Variants in PDE1C observed in about 807,000 individuals in gnomAD.
The protein encoded by PDE1C is dual specificity calcium/calmodulin-dependent 3',5'-cyclic nucleotide phosphodiesterase 1C.
Under a neutral mutation model 93.1 loss-of-function variants are expected in PDE1C, and 62 were observed. The observed-to-expected ratio is 0.67, with a 90% CI of 0.54 to 0.82. The LOEUF is 0.82. Among genes scored for constraint, PDE1C ranks in the 40% least tolerant of loss-of-function variants. The pLI, the probability that PDE1C is intolerant of heterozygous loss-of-function variation, is 0.00. For missense variants in PDE1C, 742 were observed against 884.6 expected (o/e 0.84, Z 2.04); for synonymous variants, 325 against 310.1 (o/e 1.05, Z -0.50).
intron 1 of PDE1C, among the ~76,000 whole-genome samples, chr7:32,067,494 C>T (rs191353471): frequency 6.6e-6 from 1 of 152,324 alleles, no homozygotes; most frequent in East Asian, 1.9e-4. Context: ...GGGGACACCT[C>T]CCTGCAATAT....
the PDE1C span, among the ~76,000 whole-genome samples, chr7:31,627,977 G>T: frequency 1.3e-5 from 2 of 152,156 alleles, no homozygotes; most frequent in African/African-American, 4.8e-5. Context: ...AAGTGGGTGG[G>T]ATTCAAGGAA....
At chr7:31,699,363 C>T in the PDE1C span, among the ~76,000 whole-genome samples, 4 of 152,126 alleles carry the variant, frequency 2.6e-5, no homozygotes, top group Non-Finnish European at 5.9e-5. Context: ...CAAGCTAGCA[C>T]GGTCTCCCGT....
chr7:32,391,160 CAAAT>C (rs546009579), intron 1 of PDE1C, among the ~76,000 whole-genome samples: 3 of 151,884 alleles, frequency 2.0e-5, no homozygotes, highest in Non-Finnish European at 2.9e-5. Context: ...TTCAAAGAGA[CAAAT>C]AAACTAAAAA....
At chr7:32,386,853 G>A (rs913925779) in intron 1 of PDE1C, among the ~76,000 whole-genome samples, 1 of 152,160 alleles carries the variant, frequency 6.6e-6, no homozygotes, top group African/African-American at 2.4e-5. Context: ...TCTTACTGCA[G>A]TGTCTAAGAG....
chr7:32,295,753 G>A (rs1812578378), intron 1 of PDE1C, among the ~76,000 whole-genome samples: 2 of 152,182 alleles, frequency 1.3e-5, no homozygotes, highest in African/African-American at 2.4e-5. Context: ...AATTAGCAGG[G>A]CGTGTTGGCG....
intron 16 of PDE1C, among the ~76,000 whole-genome samples, chr7:31,779,154 C>A (rs1471930451): frequency 6.6e-6 from 1 of 152,188 alleles, no homozygotes; most frequent in Non-Finnish European, 1.5e-5. Flanking sequence ...CCAGGTGATT[C>A]CCATCATCAA....
intron 2 of PDE1C, among the ~76,000 whole-genome samples, chr7:32,193,447 T>C (rs906848102): frequency 1.3e-5 from 2 of 152,204 alleles, no homozygotes; most frequent in Non-Finnish European, 1.5e-5. Flanking sequence ...TGGTGGATTA[T>C]ACTGATTGAT....
chr7:31,620,315 TCCCTGAC>T, the PDE1C span, among the ~76,000 whole-genome samples: 167 of 152,030 alleles, frequency 1.1e-3, no homozygotes, highest in Middle Eastern at 0.01. Flanking sequence ...CTCAAGTGGG[TCCCTGAC>T]CCCTGACCCC....
chr7:32,415,736 T>C (rs1785263781), intron 1 of PDE1C, among the ~76,000 whole-genome samples: 1 of 152,084 alleles, frequency 6.6e-6, no homozygotes, highest in Non-Finnish European at 1.5e-5. Context: ...CTACGTCCTT[T>C]CCTTCTCCCT....
the PDE1C span, among the ~76,000 whole-genome samples, chr7:31,734,704 CTCATT>C: frequency 6.6e-6 from 1 of 152,132 alleles, no homozygotes; most frequent in Non-Finnish European, 1.5e-5. Flanking sequence ...GTTGTCCCAT[CTCATT>C]TCAAGGCTTG....
rs183406881 is a variant in PDE1C at position 32,384,975 on chromosome 7, A to C, written c.310+42847T>G. ...GTTTGGGGAATAAATTGGAAGGGAG[A>C]AGAACCAAGGAGGCGGGGATACTAG... On this transcript the variant is annotated intron_variant, in intron 1 of 1. Transcript: ENST00000672256. 1.5e-3 allele frequency among the ~76,000 whole-genome samples: 224 copies of C among 152,312 alleles called. 1 individual carries two copies. Among genetic ancestry groups the C allele is most frequent in the African/African-American group, 5.1e-3 (213 of 41,568 alleles).
At chr7:31,632,222 G>T in the PDE1C span, among the ~76,000 whole-genome samples, 1 of 152,176 alleles carries the variant, frequency 6.6e-6, no homozygotes, top group Non-Finnish European at 1.5e-5. Context: ...GCTGAGGCAG[G>T]TGGATCATGA....
chr7:31,717,096 T>C, the PDE1C span, among the ~76,000 whole-genome samples: 1 of 152,226 alleles, frequency 6.6e-6, no homozygotes, highest in African/African-American at 2.4e-5. Context: ...CTCTGTATTG[T>C]AAGTTATATG....
chr7:32,263,863 T>C (rs530258385), intron 1 of PDE1C, among the ~76,000 whole-genome samples: 1 of 152,306 alleles, frequency 6.6e-6, no homozygotes, highest in South Asian at 2.1e-4. Context: ...GCATAAACAA[T>C]GTTTCCTTCT....
At chr7:31,652,434 A>T in the PDE1C span, 1 of 1,487,246 alleles carries the variant, frequency 6.7e-7, no homozygotes, top group Non-Finnish European at 9.0e-7. Context: ...ACCACCTCAT[A>T]ATGCCTAGCT....
At chr7:31,905,732 G>T (rs1800509523) in intron 2 of PDE1C, among the ~76,000 whole-genome samples, 1 of 152,088 alleles carries the variant, frequency 6.6e-6, no homozygotes, top group South Asian at 2.1e-4. Flanking sequence ...AGCTGATAAG[G>T]TTTGGCTGTG....
chr7:32,290,833 G>A (rs2128896927), intron 1 of PDE1C, among the ~76,000 whole-genome samples: 1 of 152,262 alleles, frequency 6.6e-6, no homozygotes, highest in South Asian at 2.1e-4. Context: ...AGACACAAAA[G>A]TGAAGCACAT....
chr7:31,650,304 G>A, the PDE1C span, among the ~76,000 whole-genome samples: 1 of 152,136 alleles, frequency 6.6e-6, no homozygotes, highest in Admixed American at 6.5e-5. Context: ...GCTTTTTATT[G>A]GGGGATGGGG....
At chr7:32,215,076 C>T (rs1806329443) in intron 1 of PDE1C, among the ~76,000 whole-genome samples, 1 of 152,190 alleles carries the variant, frequency 6.6e-6, no homozygotes, top group African/African-American at 2.4e-5. Context: ...AGGTTGTAAA[C>T]CAGGGGTCCC....
Sources: allele counts gnomAD v4.1 joint callset (sites outside exome capture counted in the v4.1 genomes callset), GRCh38; gene constraint gnomAD v4.1.1; transcripts MANE v1.5; gene names NCBI Gene and HGNC (gene_info 2026-07-23, HGNC 2026-07-21).